RAD51B: variants seen among roughly 807,000 people sequenced by gnomAD.
RAD51B encodes the protein DNA repair protein RAD51 homolog 2.
A neutral mutation model predicts 42.2 loss-of-function variants in RAD51B; 38 were observed. The ratio of observed to expected loss-of-function variants is 0.90; its 90% CI spans 0.70 to 1.18. The LOEUF (loss-of-function observed/expected upper bound fraction) is 1.18. RAD51B is among the 50% of genes most tolerant of loss of function. The pLI, the probability that RAD51B is intolerant of heterozygous loss-of-function variation, is 0.00. For missense variants in RAD51B, 373 were observed against 400.7 expected (o/e 0.93, Z 0.59); for synonymous variants, 154 against 145.2 (o/e 1.06, Z -0.43).
chr14:67,991,931 G>C (rs1189688821), intron 7 of RAD51B, among the ~76,000 whole-genome samples: 2 of 152,132 alleles, frequency 1.3e-5, no homozygotes, highest in African/African-American at 4.8e-5. Flanking sequence ...TTACAGAATA[G>C]AGGAGAAATG....
chr14:68,517,833 G>A (rs1272727387), intron 10 of RAD51B, among the ~76,000 whole-genome samples: 3 of 152,140 alleles, frequency 2.0e-5, no homozygotes, highest in East Asian at 3.9e-4. Flanking sequence ...CTTGTCAAAG[G>A]TATATGGATA....
intron 10 of RAD51B, among the ~76,000 whole-genome samples, chr14:68,501,370 A>C (rs1272662253): frequency 1.1e-4 from 16 of 152,206 alleles, no homozygotes; most frequent in Non-Finnish European, 1.9e-4. Context: ...GCCCTTGGCC[A>C]CCTTATTTTA....
chr14:68,362,425 C>T (rs1374613021), intron 8 of RAD51B, among the ~76,000 whole-genome samples: 1 of 152,178 alleles, frequency 6.6e-6, no homozygotes, highest in Non-Finnish European at 1.5e-5. Context: ...GTGTTAGCCC[C>T]ATTTTACAGA....
chr14:68,594,883 A>C, exon 11 of RAD51B: 1 of 1,106,248 alleles, frequency 9.0e-7, no homozygotes, highest in South Asian at 3.4e-5. Flanking sequence ...GCCCTCCACC[A>C]TGGAGTACAT....
intron 11 of RAD51B, among the ~76,000 whole-genome samples, chr14:68,665,806 T>G (rs1312000758): frequency 1.3e-5 from 2 of 152,222 alleles, no homozygotes; most frequent in Non-Finnish European, 2.9e-5. Context: ...ATGCCCCTGT[T>G]TCTTGGGGAA....
chr14:68,011,277 C>T (rs866025704), intron 7 of RAD51B, among the ~76,000 whole-genome samples: 8 of 152,074 alleles, frequency 5.3e-5, no homozygotes, highest in Middle Eastern at 3.4e-3. Context: ...TTTTTACTTA[C>T]GTAAATTTAT....
chr14:68,037,177 C>T, intron 7 of RAD51B, among the ~76,000 whole-genome samples: 1 of 35,268 alleles, frequency 2.8e-5, no homozygotes, highest in Non-Finnish European at 5.2e-5. Context: ...CCCCTCCCCT[C>T]CCCTCCCCTC....
At chr14:68,275,655 G>A (rs1432071650) in intron 7 of RAD51B, among the ~76,000 whole-genome samples, 1 of 152,094 alleles carries the variant, frequency 6.6e-6, no homozygotes, top group African/African-American at 2.4e-5. Flanking sequence ...TACCCCCTTA[G>A]AGAAGTCTTT....
chr14:68,054,488 C>T (rs1011701081), intron 7 of RAD51B, among the ~76,000 whole-genome samples: 2 of 152,270 alleles, frequency 1.3e-5, no homozygotes, highest in Middle Eastern at 3.4e-3. Context: ...TTCAGCATCA[C>T]ACTATTCATT....
intron 10 of RAD51B, among the ~76,000 whole-genome samples, chr14:68,484,523 A>G (rs996726663): frequency 6.6e-6 from 1 of 151,696 alleles, no homozygotes; most frequent in Non-Finnish European, 1.5e-5. Context: ...ACGCCCGGCT[A>G]ATTTTTTGTA....
At chr14:68,654,551 G>A (rs1892770354) in intron 11 of RAD51B, among the ~76,000 whole-genome samples, 2 of 152,204 alleles carry the variant, frequency 1.3e-5, no homozygotes, top group South Asian at 4.1e-4. Flanking sequence ...GATGGGAAGA[G>A]AACTCCCCGC....
chr14:68,018,995 T>C (rs2075821118), intron 7 of RAD51B, among the ~76,000 whole-genome samples: 1 of 152,162 alleles, frequency 6.6e-6, no homozygotes, highest in Non-Finnish European at 1.5e-5. Flanking sequence ...AGATAAAATA[T>C]GTAATGTTCC....
At chr14:68,172,981 G>A (rs1358461636) in intron 7 of RAD51B, among the ~76,000 whole-genome samples, 2 of 152,038 alleles carry the variant, frequency 1.3e-5, no homozygotes, top group Non-Finnish European at 2.9e-5. Flanking sequence ...GTCTGAAGAT[G>A]ATGTGGCTAA....
chr14:68,311,949 T>G lies in RAD51B; in HGVS notation c.853+19969T>G, dbSNP rs2081974852. 3.9e-5 allele frequency among the ~76,000 whole-genome samples: 6 copies of G among 152,324 alleles called. No individual in the cohort carries two copies. The South Asian group carries it at 1.2e-3, about 32-fold the overall frequency. On this transcript the variant is annotated intron_variant, in intron 8 of 10. Coordinates refer to ENST00000471583, the MANE Select transcript of RAD51B (RefSeq NM_133510.4). ...CTGGATATTGGCCCCAAACATATTC[T>G]AATTCAGCAAACAGACCCATTGAAA...
chr14:68,481,758 A>G (rs528352998), downstream of RAD51B, among the ~76,000 whole-genome samples: 1 of 152,296 alleles, frequency 6.6e-6, no homozygotes, highest in South Asian at 2.1e-4. Context: ...TTGCCCTGTA[A>G]TATTTCTGTT....
At chr14:68,075,936 G>A (rs1238677846) in intron 7 of RAD51B, among the ~76,000 whole-genome samples, 2 of 152,232 alleles carry the variant, frequency 1.3e-5, no homozygotes, top group South Asian at 2.1e-4. Context: ...TTGTCTCTGG[G>A]ATGTCCTCTC....
chr14:68,642,471 G>C (rs1412418497), intron 10 of RAD51B, among the ~76,000 whole-genome samples: 1 of 152,046 alleles, frequency 6.6e-6, no homozygotes, highest in Non-Finnish European at 1.5e-5. Flanking sequence ...TTTCATTTCT[G>C]TTATTAATAA....
At chr14:68,412,960 T>C (rs920310696) in intron 9 of RAD51B, among the ~76,000 whole-genome samples, 1 of 152,224 alleles carries the variant, frequency 6.6e-6, no homozygotes, top group African/African-American at 2.4e-5. Flanking sequence ...TTCGTTTTCA[T>C]GGATCCTTGA....
At chr14:68,597,508 G>A (rs1408806793), downstream of RAD51B, among the ~76,000 whole-genome samples, 1 of 152,182 alleles carries the variant, frequency 6.6e-6, no homozygotes, top group East Asian at 1.9e-4. Flanking sequence ...GGTTGGAGCT[G>A]GAGGCCATTA....
Sources: gnomAD v4.1 joint callset for allele counts (sites outside exome capture counted in the v4.1 genomes callset) on GRCh38, gnomAD v4.1.1 for gene constraint, MANE v1.5 for transcripts, NCBI Gene and HGNC (gene_info 2026-07-23, HGNC 2026-07-21) for gene names.